Variants in ITGAL observed in about 807,000 individuals in gnomAD.
ITGAL encodes integrin subunit alpha L, also known as integrin alpha-L.
ITGAL carries 68 observed loss-of-function variants against 138.4 expected under a neutral mutation model. The observed-to-expected ratio is 0.49, with a 90% confidence interval of 0.40 to 0.60. The LOEUF is 0.60. Among genes scored for constraint, ITGAL ranks in the 20% least tolerant of loss-of-function variants. The pLI, the probability that ITGAL is intolerant of heterozygous loss-of-function variation, is 0.00. For synonymous variants in ITGAL, 561 were observed against 584.3 expected (o/e 0.96, Z 0.57); for missense variants, 1,256 against 1,478.6 (o/e 0.85, Z 2.47).
intron 11 of ITGAL, among the ~76,000 whole-genome samples, chr16:30,491,602 C>T (rs1427279729): frequency 6.6e-6 from 1 of 151,780 alleles, no homozygotes; most frequent in Non-Finnish European, 1.5e-5. Flanking sequence ...ATTTAACTCT[C>T]AAAACACACC....
rs2051073719 is a variant in ITGAL, at chr16:30,510,481, T to G, written c.2619+10T>G. The G allele has an allele frequency of 3.3e-6, 5 of 1,525,760 alleles. No individual in the cohort carries two copies. The highest frequency in any genetic ancestry group is 4.5e-6 in the Non-Finnish European group (5 of 1,099,632). 94.5% of individuals were successfully genotyped at this position (1,525,760 alleles called of 1,614,324 possible). A position where few individuals can be genotyped will look rare whatever the true frequency, so the allele number is the denominator to read the frequency against. On this transcript the variant is annotated intron_variant, in intron 22 of 30. Transcript: ENST00000356798. ...CAAAGCAGGCCACTCGGTGAGTGCTTCAAGTCTCCAGGGACCAAGCAGCCT... is the reference window on the plus strand; with the variant it reads ...CAAAGCAGGCCACTCGGTGAGTGCTGCAAGTCTCCAGGGACCAAGCAGCCT...
chr16:30,509,377 T>G (rs1011313892), intron 21 of ITGAL: 4 of 152,118 alleles, frequency 2.6e-5, no homozygotes, highest in African/African-American at 9.7e-5. Context: ...GGGATGAAGA[T>G]GAATGGTTTA....
chr16:30,488,892 A>T (rs968601103), intron 9 of ITGAL, 190 bp from the exon 10 acceptor site: 36 of 585,816 alleles, frequency 6.1e-5, no homozygotes. Context: ...CAAAAAACAA[A>T]CAAATCTGGG....
At chr16:30,518,847 C>T (rs2051210326) in intron 29 of ITGAL, 128 bp downstream of exon 29, 1 of 711,340 alleles carries the variant, frequency 1.4e-6, no homozygotes, top group Non-Finnish European at 2.5e-6. Context: ...CCAGAGCCAT[C>T]AGCCTGGGAG....
At chr16:30,505,362 G>A (rs1567483047) in intron 19 of ITGAL, 27 bp from the exon 20 acceptor site, 2 of 1,613,628 alleles carry the variant, frequency 1.2e-6, no homozygotes, top group Non-Finnish European at 1.7e-6. Flanking sequence ...ATCTGAGCCT[G>A]TTACTCCTTT....
rs761303818 is a variant in ITGAL, at chr16:30,521,521, G to A, written c.3369G>A (p.Glu1123=). 5 of 1,614,088 alleles carry A rather than the reference G, an allele frequency of 3.1e-6. No individual in the cohort carries two copies. The highest frequency in any genetic ancestry group is 1.7e-5 in the Admixed American group (1 of 59,996). The change falls in exon 31 of 31, where the codon GAG becomes GAA. Residue 1123 remains glutamate, a synonymous_variant. Coordinates refer to ENST00000356798, the MANE Select transcript of ITGAL (RefSeq NM_002209.3). ...KVGFFKRNLK[E]KMEAGRGVPN... Reference sequence around the variant, plus strand: ...GTTTCTTCAAACGGAACCTGAAGGAGAAGATGGAGGCTGGCAGAGGTGTCC... The same window carrying A: ...GTTTCTTCAAACGGAACCTGAAGGAAAAGATGGAGGCTGGCAGAGGTGTCC...
At chr16:30,483,781 GC>G in intron 7 of ITGAL, 45 bp from the exon 8 acceptor site, 1 of 1,568,912 alleles carries the variant, frequency 6.4e-7, no homozygotes, top group Non-Finnish European at 8.7e-7. Flanking sequence ...GAGACCTCAG[GC>G]CCTAGTTTGG....
At chr16:30,503,968 G>T in intron 17 of ITGAL, 1 of 463,170 alleles carries the variant, frequency 2.2e-6, no homozygotes, top group Non-Finnish European at 3.9e-6. Context: ...GGGAACCGGG[G>T]CTCAGGGATG....
At chr16:30,517,177 G>A in intron 26 of ITGAL, 91 bp downstream of exon 26, 1 of 854,970 alleles carries the variant, frequency 1.2e-6, no homozygotes, top group East Asian at 2.5e-5. Flanking sequence ...TTGGCCAGGT[G>A]CGGTGGCTCT....
intron 7 of ITGAL, chr16:30,483,340 C>T (rs1031721896): frequency 6.5e-6 from 1 of 153,446 alleles, no homozygotes; most frequent in African/African-American, 2.4e-5. Context: ...CGGTAATTCA[C>T]TAGGTTCACT....
rs2051007529 is a variant in ITGAL, at chr16:30,506,852, T to G, written c.2504T>G (p.Leu835Arg). Residue 835 changes from leucine to arginine, a missense_variant, in exon 21 of 31, where the codon CTG (leucine) becomes CGG (arginine). By Grantham distance (102) the Leu-to-Arg change is moderately radical (BLOSUM62 -2). Coordinates refer to ENST00000356798, the MANE Select transcript of ITGAL (RefSeq NM_002209.3). Reference sequence around the variant, plus strand: ...CTCTCCTTCCGCAAGGTGGAGATGCTGAAGGTGGGTGAGAGGACAGCGCCT... The same window carrying G: ...CTCTCCTTCCGCAAGGTGGAGATGCGGAAGGTGGGTGAGAGGACAGCGCCT... The part of the protein sequence containing the change: ...PGLSFRKVEM[L>R]KPHSQIPVSC... The G allele has an allele frequency of 4.3e-6, 7 of 1,613,738 alleles. No individual in the cohort carries two copies. Among genetic ancestry groups the G allele is most frequent in the Non-Finnish European group, 5.1e-6 (6 of 1,179,806 alleles).
At chr16:30,516,299 G>A (rs2051165199) in intron 25 of ITGAL, among the ~76,000 whole-genome samples, 1 of 151,012 alleles carries the variant, frequency 6.6e-6, no homozygotes, top group Non-Finnish European at 1.5e-5. Context: ...GCATGATCTC[G>A]GCTCACTGCA....
intron 11 of ITGAL, among the ~76,000 whole-genome samples, chr16:30,493,029 G>A (rs1239156182): frequency 6.6e-6 from 1 of 151,810 alleles, no homozygotes; most frequent in Non-Finnish European, 1.5e-5. Context: ...GGGATCACAG[G>A]TGTGCATCAC....
intron 24 of ITGAL, among the ~76,000 whole-genome samples, chr16:30,512,026 G>A (rs1333580289): frequency 1.3e-5 from 2 of 152,176 alleles, no homozygotes; most frequent in African/African-American, 4.8e-5. Context: ...ATACAAGGAG[G>A]TTGGGAACTT....
At chr16:30,479,596 G>C in intron 6 of ITGAL, 135 bp downstream of exon 6, 1 of 723,292 alleles carries the variant, frequency 1.4e-6, no homozygotes, top group Non-Finnish European at 2.2e-6. Context: ...CTCTGGAAGG[G>C]ACAAGAACCA....
chr16:30,518,133 C>A (rs567965240), intron 28 of ITGAL, among the ~76,000 whole-genome samples: 1 of 152,232 alleles, frequency 6.6e-6, no homozygotes, highest in Admixed American at 6.5e-5. Context: ...TTCCTTACAA[C>A]AATGGGGAGC....
At position 30,483,840 on chromosome 16, in the gene ITGAL, C is replaced by T. The variant is rs771815313; in HGVS notation, c.736C>T (p.Arg246Trp). ...TCCTGGACACAGGACAGAGGTGTTC[C>T]GGGAGGAGCTGGGGGCCCGGCCAGA... ...AINYVATEVF[R>W]EELGARPDAT... Residue 246 changes from arginine (R) to tryptophan (W), a missense_variant, in exon 8 of 31, where the codon CGG becomes TGG. Coordinates refer to ENST00000356798, the MANE Select transcript of ITGAL (RefSeq NM_002209.3). 5 of 1,613,476 alleles carry T rather than the reference C, an allele frequency of 3.1e-6. No individual in the cohort carries two copies. Among genetic ancestry groups the T allele is most frequent in the East Asian group, 2.2e-5 (1 of 44,872 alleles).
chr16:30,485,322 G>A (rs1402710926), intron 9 of ITGAL, among the ~76,000 whole-genome samples: 1 of 72,718 alleles, frequency 1.4e-5, no homozygotes, highest in African/African-American at 5.6e-5. Flanking sequence ...CACTTCCCAG[G>A]CTCACGCCAT....
At chr16:30,475,734 CTTTTTTTT>C (rs35994365) in intron 4 of ITGAL, among the ~76,000 whole-genome samples, 154 bp downstream of exon 4, 1 of 81,308 alleles carries the variant, frequency 1.2e-5, no homozygotes, top group African/African-American at 6.1e-5. Context: ...ATGAACCAGC[CTTTTTTTT>C]TTTTTTTTTT....
Sources: gnomAD v4.1 joint callset for allele counts (sites outside exome capture counted in the v4.1 genomes callset) on GRCh38, gnomAD v4.1.1 for gene constraint, MANE v1.5 for transcripts, NCBI Gene and HGNC (gene_info 2026-07-23, HGNC 2026-07-21) for gene names.